The following DCC variants were observed in gnomAD, a reference collection of about 807,000 sequenced individuals.
DCC encodes netrin receptor DCC.
Under a neutral mutation model 172.5 loss-of-function variants are expected in DCC, and 58 were observed. The observed-to-expected ratio is 0.34, with a 90% CI of 0.27 to 0.42. The LOEUF (loss-of-function observed/expected upper bound fraction) is 0.42. Ranked by LOEUF, DCC falls within the 10% of genes least tolerant of loss-of-function variation. DCC has a pLI of 1.00. For missense variants in DCC, 1,740 were observed against 1,791.0 expected, an observed-to-expected ratio of 0.97 and a Z score of 0.51; for synonymous variants, 709 against 644.5, an observed-to-expected ratio of 1.10 and a Z score of -1.52.
chr18:52,406,122 T>G (rs979857928), intron 1 of DCC, among the ~76,000 whole-genome samples: 1 of 147,660 alleles, frequency 6.8e-6, no homozygotes, highest in Non-Finnish European at 1.5e-5. Context: ...TAGCCATATG[T>G]AGAAAGCTGA....
chr18:53,485,368 C>T (rs1220574294), intron 25 of DCC, among the ~76,000 whole-genome samples: 1 of 151,880 alleles, frequency 6.6e-6, no homozygotes, highest in Non-Finnish European at 1.5e-5. Flanking sequence ...CCAATAAAAC[C>T]CAACAATTTT....
intron 1 of DCC, among the ~76,000 whole-genome samples, chr18:52,522,109 A>G (rs2031838024): frequency 1.3e-5 from 2 of 152,216 alleles, no homozygotes; most frequent in South Asian, 4.1e-4. Flanking sequence ...AAATAATCAT[A>G]AGGCAATAAT....
intron 1 of DCC, among the ~76,000 whole-genome samples, chr18:52,640,926 G>A (rs1415003223): frequency 6.6e-6 from 1 of 151,982 alleles, no homozygotes; most frequent in Non-Finnish European, 1.5e-5. Flanking sequence ...TAAACAAAAA[G>A]AACAAAACTG....
At chr18:52,809,110 C>A (rs1452706012) in intron 2 of DCC, among the ~76,000 whole-genome samples, 1 of 152,140 alleles carries the variant, frequency 6.6e-6, no homozygotes, top group Non-Finnish European at 1.5e-5. Flanking sequence ...GGTTTGGGTG[C>A]AGCAGGGATC....
At chr18:52,526,430 G>A (rs189671309) in intron 1 of DCC, among the ~76,000 whole-genome samples, 1 of 151,998 alleles carries the variant, frequency 6.6e-6, no homozygotes, top group African/African-American at 2.4e-5. Context: ...CAAGGGGCTA[G>A]AAAACCTGGT....
chr18:52,499,593 A>T (rs2030942341), intron 1 of DCC, among the ~76,000 whole-genome samples: 1 of 152,164 alleles, frequency 6.6e-6, no homozygotes, highest in Non-Finnish European at 1.5e-5. Flanking sequence ...GCCATCATTA[A>T]CATGAGGTCC....
intron 5 of DCC, among the ~76,000 whole-genome samples, chr18:52,952,605 T>C (rs547516004): frequency 6.6e-6 from 1 of 152,346 alleles, no homozygotes; most frequent in South Asian, 2.1e-4. Flanking sequence ...CTTTTGTCTG[T>C]ATAGCTTTGG....
intron 9 of DCC, among the ~76,000 whole-genome samples, chr18:53,193,676 C>T (rs1012614624): frequency 3.9e-5 from 6 of 152,044 alleles, no homozygotes; most frequent in Non-Finnish European, 7.3e-5. Flanking sequence ...CAAAGCATCC[C>T]GGAACTCTGA....
intron 1 of DCC, among the ~76,000 whole-genome samples, chr18:52,617,458 G>T (rs1054218972): frequency 8.5e-5 from 13 of 152,104 alleles, no homozygotes; most frequent in Non-Finnish European, 1.8e-4. Flanking sequence ...CTACTGAATC[G>T]CATTGAGAAT....
At chr18:52,377,976 A>G (rs966552754) in intron 1 of DCC, among the ~76,000 whole-genome samples, 1 of 152,050 alleles carries the variant, frequency 6.6e-6, no homozygotes, top group Non-Finnish European at 1.5e-5. Context: ...CTAGGATTAT[A>G]GGTATGAGCC....
At chr18:52,684,169 G>A (rs925596058) in intron 1 of DCC, among the ~76,000 whole-genome samples, 8 of 152,004 alleles carry the variant, frequency 5.3e-5, no homozygotes, top group Non-Finnish European at 1.2e-4. Context: ...TGGACATGTG[G>A]GTTTATTCAC....
intron 1 of DCC, among the ~76,000 whole-genome samples, chr18:52,693,607 C>T (rs1252210672): frequency 6.6e-6 from 1 of 151,638 alleles, no homozygotes; most frequent in African/African-American, 2.4e-5. Context: ...TTTTTAAATA[C>T]CATTCTCTAG....
At chr18:53,113,260 G>A (rs561917336) in intron 7 of DCC, among the ~76,000 whole-genome samples, 1 of 151,444 alleles carries the variant, frequency 6.6e-6, no homozygotes, top group East Asian at 2.0e-4. Context: ...TTTATTCAGA[G>A]GCTGCTCGGT....
chr18:52,578,212 C>T (rs918312322), intron 1 of DCC, among the ~76,000 whole-genome samples: 1 of 152,268 alleles, frequency 6.6e-6, no homozygotes, highest in South Asian at 2.1e-4. Flanking sequence ...GTCTCTTATG[C>T]AGACAACAAA....
chr18:53,442,681 G>C (rs1172546145), intron 22 of DCC, among the ~76,000 whole-genome samples: 1 of 152,216 alleles, frequency 6.6e-6, no homozygotes, highest in Non-Finnish European at 1.5e-5. Flanking sequence ...CAAAAGTCAA[G>C]ATAGGCTGAG....
In DCC at chr18:52,497,286, T is replaced by G. The variant is rs1316906148; in HGVS notation, c.91+156408T>G. Reference sequence around the variant, plus strand: ...AAAAAAAAAAAAAAAAAAAAATATATATATATATATATATATATATATATA... The same window carrying G: ...AAAAAAAAAAAAAAAAAAAAATATAGATATATATATATATATATATATATA... On this transcript the variant is annotated intron_variant, in intron 1 of 28. Transcript: ENST00000442544. Among the ~76,000 whole-genome samples, 40 of 26,868 alleles carry G rather than the reference T, an allele frequency of 1.5e-3. 2 individuals are homozygous for G. The highest frequency in any genetic ancestry group is 4.1e-3 in the African/African-American group (35 of 8,610). 17.6% of individuals were successfully genotyped at this position (26,868 alleles called of 152,430 possible). A position where few individuals can be genotyped will look rare whatever the true frequency, so the allele number is the denominator to read the frequency against.
At chr18:53,296,308 C>G (rs2057067092) in intron 12 of DCC, among the ~76,000 whole-genome samples, 1 of 152,280 alleles carries the variant, frequency 6.6e-6, no homozygotes, top group East Asian at 1.9e-4. Flanking sequence ...CTCTTTTTCT[C>G]TTTCCCTTTT....
chr18:53,039,674 T>A (rs1194965610), intron 5 of DCC, among the ~76,000 whole-genome samples: 1 of 152,068 alleles, frequency 6.6e-6, no homozygotes, highest in East Asian at 1.9e-4. Context: ...CACCTCCACA[T>A]CTCTCTGTCT....
intron 1 of DCC, among the ~76,000 whole-genome samples, chr18:52,661,777 A>T (rs1174531877): frequency 1.3e-5 from 2 of 152,292 alleles, no homozygotes; most frequent in Non-Finnish European, 2.9e-5. Flanking sequence ...ATAGGAATCC[A>T]AGAGAAATGG....
Sources: gnomAD v4.1 joint callset for allele counts (sites outside exome capture counted in the v4.1 genomes callset) on GRCh38, gnomAD v4.1.1 for gene constraint, MANE v1.5 for transcripts, NCBI Gene and HGNC (gene_info 2026-07-23, HGNC 2026-07-21) for gene names.